USH2A: variants seen among roughly 807,000 people sequenced by gnomAD.
USH2A encodes Usher syndrome 2A (autosomal recessive, mild).
In USH2A, 443 loss-of-function variants were observed where a neutral mutation model predicts 538.9. The observed-to-expected ratio is 0.82, with a 90% CI of 0.76 to 0.89. The LOEUF (loss-of-function observed/expected upper bound fraction) is 0.89. USH2A is among the 40% of genes least tolerant of loss of function. The pLI is 0.00. For synonymous variants in USH2A, 2,413 were observed against 2,273.5 expected (o/e 1.06, Z -1.75); for missense variants, 6,633 against 6,324.8 (o/e 1.05, Z -1.65).
chr1:215,849,787 A>C (rs1663969262), intron 44 of USH2A, among the ~76,000 whole-genome samples: 1 of 152,184 alleles, frequency 6.6e-6, no homozygotes, highest in Admixed American at 6.5e-5. Context: ...CAAATGTTGA[A>C]AGACAATGGA....
chr1:216,029,802 A>G (rs924014493), intron 32 of USH2A, among the ~76,000 whole-genome samples: 1 of 151,744 alleles, frequency 6.6e-6, no homozygotes, highest in African/African-American at 2.4e-5. Context: ...TACCAGGGTC[A>G]TGATGCGTTG....
chr1:216,395,240 A>C (rs1272925137), intron 3 of USH2A, among the ~76,000 whole-genome samples: 1 of 152,156 alleles, frequency 6.6e-6, no homozygotes, highest in Non-Finnish European at 1.5e-5. Flanking sequence ...TTAACAATCA[A>C]CCGAATGTTA....
In USH2A at chr1:216,386,533, C is replaced by A. The variant is rs796526572; in HGVS notation, c.652-21448G>T. On this transcript the variant is annotated intron_variant, in intron 3 of 71. Coordinates refer to ENST00000307340, the MANE Select transcript of USH2A (RefSeq NM_206933.4). The stretch of plus-strand genomic sequence containing the variant: ...CAAACAAACAAACAAAAAACAAAAA[C>A]CAAAAAACTATATATATATATATAT... Among the ~76,000 whole-genome samples, 70 of 79,088 alleles carry A rather than the reference C, an allele frequency of 8.9e-4. 1 individual carries two copies. In the East Asian group the frequency reaches 0.02, roughly 22 times the overall value. 51.9% of individuals were successfully genotyped at this position (79,088 alleles called of 152,430 possible). A position where few individuals can be genotyped will look rare whatever the true frequency, so the allele number is the denominator to read the frequency against.
chr1:216,342,977 T>G (rs1037612131), intron 4 of USH2A, among the ~76,000 whole-genome samples: 15 of 152,022 alleles, frequency 9.9e-5, no homozygotes, highest in African/African-American at 3.6e-4. Flanking sequence ...TATGCACAAG[T>G]ATCCCAGAAC....
intron 14 of USH2A, among the ~76,000 whole-genome samples, chr1:216,228,620 A>C (rs998467084): frequency 6.6e-6 from 1 of 152,088 alleles, no homozygotes; most frequent in Non-Finnish European, 1.5e-5. Context: ...CGTGTCTTTC[A>C]CCTTCCACTG....
At position 215,640,558 on chromosome 1, in the gene USH2A, T is replaced by A; in HGVS notation, c.14968A>T (p.Thr4990Ser). 2 of 1,613,580 alleles carry A rather than the reference T, an allele frequency of 1.2e-6. No individual in the cohort carries two copies. Among genetic ancestry groups the A allele is most frequent in the Non-Finnish European group, 1.7e-6 (2 of 1,179,942 alleles). ...TGAGAAACAGGAGTCAGAAACTAAC[T>A]TTTGTCCGCCGTTCTCGGTATGTAG... ...TLYIPRTADK[T>S]FFFQVICTTD... is the part of the protein sequence containing the mutation. Residue 4990 changes from threonine (T) to serine (S), a missense_variant and splice_region_variant, in exon 68 of 72, where the codon ACC becomes TCC. Physicochemically the swap from Thr to Ser is moderately conservative, Grantham distance 58. Transcript: ENST00000307340.
chr1:215,942,805 G>T (rs1263267295), intron 37 of USH2A, among the ~76,000 whole-genome samples: 3 of 152,180 alleles, frequency 2.0e-5, no homozygotes, highest in Admixed American at 2.0e-4. Flanking sequence ...AATATGTAGA[G>T]AAATGAACTG....
chr1:216,175,144 A>G (rs1294805493), intron 21 of USH2A, 108 bp downstream of exon 21: 8 of 1,543,940 alleles, frequency 5.2e-6, no homozygotes, highest in Non-Finnish European at 7.0e-6. Flanking sequence ...CTGAATTAGT[A>G]TTTCTCTAAG....
Position 215,998,961 on chromosome 1 carries a change from T to G in USH2A, c.6583A>C (p.Asn2195His). Residue 2195 changes from asparagine (N) to histidine (H), a missense_variant, in exon 34 of 72, where the codon AAC (asparagine) becomes CAC (histidine). Physicochemically the swap from Asn to His is moderately conservative, Grantham distance 68. Transcript: ENST00000307340. ...HDFTIWSVIYNSTELFQDHML... is the reference protein window; with the variant it reads ...HDFTIWSVIYHSTELFQDHML... ...TGATCCTGGAAAAGTTCTGTACTGT[T>G]ATAGATGACACTCCAAATTGTAAAA... is the stretch of plus-strand genomic sequence containing the variant. 1 of 1,613,204 alleles carries G rather than the reference T, an allele frequency of 6.2e-7. No homozygotes were observed. Among genetic ancestry groups the G allele is most frequent in the Non-Finnish European group, 8.5e-7 (1 of 1,179,400 alleles).
chr1:216,381,250 A>G (rs998797849), intron 3 of USH2A, among the ~76,000 whole-genome samples: 3 of 152,122 alleles, frequency 2.0e-5, no homozygotes, highest in Non-Finnish European at 2.9e-5. Context: ...TGAAAACCAC[A>G]AAGTACATGA....
At chr1:215,999,165 A>G (rs1228541110) in intron 33 of USH2A, 107 bp from the exon 34 acceptor site, 1 of 965,224 alleles carries the variant, frequency 1.0e-6, no homozygotes, top group Non-Finnish European at 1.6e-6. Flanking sequence ...TTTTTTAAAA[A>G]ACATAAATCT....
chr1:216,103,622 T>G (rs2032646136), intron 21 of USH2A, among the ~76,000 whole-genome samples: 1 of 152,180 alleles, frequency 6.6e-6, no homozygotes, highest in South Asian at 2.1e-4. Flanking sequence ...GCTAAAAAGT[T>G]ACTATAGATT....
chr1:215,640,772 C>T (rs1256949106), intron 67 of USH2A, 38 bp from the exon 68 acceptor site: 9 of 1,601,832 alleles, frequency 5.6e-6, no homozygotes, highest in Non-Finnish European at 7.7e-6. Context: ...AAAGGGTAAC[C>T]TCTTTGAAGG....
At chr1:215,942,610 C>T (rs1019778805) in intron 37 of USH2A, among the ~76,000 whole-genome samples, 2 of 152,054 alleles carry the variant, frequency 1.3e-5, no homozygotes, top group Non-Finnish European at 2.9e-5. Flanking sequence ...ACTATGAAAA[C>T]AGTAACATTA....
chr1:215,702,465 G>A (rs960332843), intron 61 of USH2A, among the ~76,000 whole-genome samples: 1 of 152,070 alleles, frequency 6.6e-6, no homozygotes, highest in Non-Finnish European at 1.5e-5. Flanking sequence ...CCAATTAAAT[G>A]TAGGTTTGAT....
chr1:216,163,026 G>A (rs550730101), intron 21 of USH2A, among the ~76,000 whole-genome samples: 2 of 151,930 alleles, frequency 1.3e-5, no homozygotes, highest in Non-Finnish European at 2.9e-5. Flanking sequence ...ATATACTAAT[G>A]TCTCTGCTTG....
chr1:216,343,856 A>C (rs1400185483), intron 4 of USH2A, among the ~76,000 whole-genome samples: 1 of 152,092 alleles, frequency 6.6e-6, no homozygotes, highest in Non-Finnish European at 1.5e-5. Flanking sequence ...ATTTGTTTTT[A>C]ATGCTCACTG....
At chr1:216,401,885 G>T (rs185127820) in intron 3 of USH2A, among the ~76,000 whole-genome samples, 1 of 152,020 alleles carries the variant, frequency 6.6e-6, no homozygotes, top group African/African-American at 2.4e-5. Flanking sequence ...GCAATTGATA[G>T]AACTAGTAAA....
intron 64 of USH2A, among the ~76,000 whole-genome samples, chr1:215,667,143 G>A (rs1348756198): frequency 1.3e-5 from 2 of 152,188 alleles, no homozygotes; most frequent in East Asian, 3.9e-4. Flanking sequence ...CCACCCAGGA[G>A]TCTGCCCTTT....
Sources: allele counts gnomAD v4.1 joint callset (sites outside exome capture counted in the v4.1 genomes callset), GRCh38; gene constraint gnomAD v4.1.1; transcripts MANE v1.5; gene names NCBI Gene and HGNC (gene_info 2026-07-23, HGNC 2026-07-21).